The following ARHGAP21 variants were observed in gnomAD, a reference collection of about 807,000 sequenced individuals.
ARHGAP21 encodes rho GTPase-activating protein 21.
ARHGAP21 carries 38 observed loss-of-function variants against 164.6 expected under a neutral mutation model. The ratio of observed to expected loss-of-function variants is 0.23; its 90% CI spans 0.18 to 0.30. The LOEUF (loss-of-function observed/expected upper bound fraction) is 0.30. ARHGAP21 is among the 10% of genes least tolerant of loss of function. ARHGAP21 has a pLI of 1.00. For missense variants in ARHGAP21, 1,822 were observed against 2,370.7 expected (o/e 0.77, Z 4.81); for synonymous variants, 766 against 857.9 (o/e 0.89, Z 1.87).
intron 24 of ARHGAP21, chr10:24,590,365 A>C: frequency 6.5e-7 from 1 of 1,535,394 alleles, no homozygotes; most frequent in Non-Finnish European, 8.7e-7. Flanking sequence ...TCTGCAGACA[A>C]GGCAGCTACA....
chr10:24,633,555 G>A (rs1836045625), intron 5 of ARHGAP21, 75 bp from the exon 6 acceptor site: 4 of 909,184 alleles, frequency 4.4e-6, no homozygotes, highest in Non-Finnish European at 6.8e-6. Flanking sequence ...AATATTTCTT[G>A]AATAATGTCC....
At position 24,697,930 on chromosome 10, in the gene ARHGAP21, G is replaced by A. The variant is rs547330731; in HGVS notation, c.63+23907C>T. Among the ~76,000 whole-genome samples the A allele has an allele frequency of 3.3e-5, 5 of 152,294 alleles. No individual in the cohort carries two copies. The South Asian group carries it at 1.0e-3, about 32-fold the overall frequency. On this transcript the variant is annotated intron_variant, in intron 2 of 25. Transcript: ENST00000396432. ...AACACTATCTTCAACTAAAGAGCCA[G>A]TAGTGTCAGAGTCATATGTACTGCA...
At chr10:24,699,412 C>T (rs1843448993) in intron 2 of ARHGAP21, among the ~76,000 whole-genome samples, 1 of 151,974 alleles carries the variant, frequency 6.6e-6, no homozygotes, top group Non-Finnish European at 1.5e-5. Flanking sequence ...GCAACCTCCA[C>T]CTCCCAGGTT....
chr10:24,646,950 C>T (rs906813890), intron 4 of ARHGAP21, among the ~76,000 whole-genome samples: 19 of 152,082 alleles, frequency 1.2e-4, no homozygotes, highest in Admixed American at 9.2e-4. Context: ...AAGTTCCTTC[C>T]AGAGGAGAAA....
At chr10:24,652,721 T>G (rs982070373) in intron 4 of ARHGAP21, among the ~76,000 whole-genome samples, 1 of 152,210 alleles carries the variant, frequency 6.6e-6, no homozygotes, top group African/African-American at 2.4e-5. Flanking sequence ...TCCACACCAC[T>G]GTACATCCAC....
chr10:24,611,633 G>A (rs542090570), intron 9 of ARHGAP21, among the ~76,000 whole-genome samples: 1 of 152,190 alleles, frequency 6.6e-6, no homozygotes, highest in East Asian at 1.9e-4. Context: ...GAACCTGGGA[G>A]GTGGAGGCTG....
At chr10:24,692,785 T>C (rs900090014) in intron 2 of ARHGAP21, among the ~76,000 whole-genome samples, 2 of 151,698 alleles carry the variant, frequency 1.3e-5, no homozygotes, top group African/African-American at 4.8e-5. Context: ...TGAGCAGAGA[T>C]TGTGCCACTG....
chr10:24,611,017 T>C (rs1056651090), intron 9 of ARHGAP21, among the ~76,000 whole-genome samples: 1 of 152,240 alleles, frequency 6.6e-6, no homozygotes, highest in Non-Finnish European at 1.5e-5. Context: ...GTATTTTCAC[T>C]TTAAGATGTT....
intron 4 of ARHGAP21, among the ~76,000 whole-genome samples, chr10:24,636,831 G>A (rs1398781576): frequency 6.6e-6 from 1 of 152,144 alleles, no homozygotes; most frequent in Non-Finnish European, 1.5e-5. Flanking sequence ...AATTTTCTGT[G>A]TGCTACACTT....
At chr10:24,596,093 T>C (rs373056945) in intron 17 of ARHGAP21, 50 bp from the exon 18 acceptor site, 4 of 1,463,270 alleles carry the variant, frequency 2.7e-6, no homozygotes, top group Non-Finnish European at 3.7e-6. Flanking sequence ...AAATGTTTAG[T>C]AGTTGTATAT....
At chr10:24,696,851 C>T (rs1843217900) in intron 2 of ARHGAP21, among the ~76,000 whole-genome samples, 1 of 152,208 alleles carries the variant, frequency 6.6e-6, no homozygotes, top group African/African-American at 2.4e-5. Context: ...ACAGGACACT[C>T]CGTGTACCAC....
intron 2 of ARHGAP21, among the ~76,000 whole-genome samples, chr10:24,684,242 G>A (rs555685565): frequency 1.1e-3 from 170 of 151,922 alleles, no homozygotes; most frequent in Admixed American, 1.7e-3. Flanking sequence ...AGCCAAGATC[G>A]TGCCATTGCA....
chr10:24,634,906 A>G, intron 5 of ARHGAP21, 105 bp downstream of exon 5: 1 of 770,678 alleles, frequency 1.3e-6, no homozygotes, highest in South Asian at 2.6e-5. Context: ...GAAAAGGAAG[A>G]AGCATACAGA....
At chr10:24,694,243 C>T (rs917622543) in intron 2 of ARHGAP21, among the ~76,000 whole-genome samples, 1 of 152,194 alleles carries the variant, frequency 6.6e-6, no homozygotes, top group African/African-American at 2.4e-5. Flanking sequence ...TTGTGGTAAG[C>T]TTAACATAAA....
At chr10:24,641,240 C>G (rs1005771227) in intron 4 of ARHGAP21, among the ~76,000 whole-genome samples, 1 of 152,174 alleles carries the variant, frequency 6.6e-6, no homozygotes, top group African/African-American at 2.4e-5. Flanking sequence ...CTATATAAGT[C>G]ATTAAGCAGA....
chr10:24,680,411 T>C (rs1841655605), intron 2 of ARHGAP21, among the ~76,000 whole-genome samples: 2 of 152,208 alleles, frequency 1.3e-5, no homozygotes, highest in African/African-American at 4.8e-5. Flanking sequence ...TTTTCTTTTG[T>C]TGAAAATCAT....
intron 4 of ARHGAP21, among the ~76,000 whole-genome samples, chr10:24,662,721 T>C (rs1450310469): frequency 6.6e-6 from 1 of 152,232 alleles, no homozygotes; most frequent in African/African-American, 2.4e-5. Flanking sequence ...TCCAACCTTG[T>C]TGAACTTTGA....
intron 24 of ARHGAP21, chr10:24,590,945 A>T: frequency 1.1e-6 from 1 of 952,102 alleles, no homozygotes; most frequent in Non-Finnish European, 1.2e-6. Flanking sequence ...TGAATTAAAA[A>T]AAAAAAAAAA....
chr10:24,590,239 TAAC>T, intron 24 of ARHGAP21: 1 of 1,473,178 alleles, frequency 6.8e-7, no homozygotes, highest in Admixed American at 2.2e-5. Flanking sequence ...GCTTCAGAAA[TAAC>T]AAGAAACAGC....
Sources: gnomAD v4.1 joint callset for allele counts (sites outside exome capture counted in the v4.1 genomes callset) on GRCh38, gnomAD v4.1.1 for gene constraint, MANE v1.5 for transcripts, NCBI Gene and HGNC (gene_info 2026-07-23, HGNC 2026-07-21) for gene names.